Variants in PPARGC1A observed in about 807,000 individuals in gnomAD.
The protein encoded by PPARGC1A is peroxisome proliferator-activated receptor gamma coactivator 1-alpha.
In PPARGC1A, 25 loss-of-function variants were observed where a neutral mutation model predicts 88.7. The ratio of observed to expected loss-of-function variants is 0.28; its 90% CI spans 0.21 to 0.39. The LOEUF is 0.39. Ranked by LOEUF, PPARGC1A falls within the 10% of genes least tolerant of loss-of-function variation. The pLI, the probability that PPARGC1A is intolerant of heterozygous loss-of-function variation, is 1.00. For missense variants in PPARGC1A, 880 were observed against 968.7 expected (o/e 0.91, Z 1.22); for synonymous variants, 363 against 355.6 (o/e 1.02, Z -0.24).
At chr4:24,271,062 A>G in the PPARGC1A span, among the ~76,000 whole-genome samples, 6 of 152,214 alleles carry the variant, frequency 3.9e-5, no homozygotes, top group Non-Finnish European at 8.8e-5. Flanking sequence ...TTATATTTCA[A>G]ATTGGTAATT....
At chr4:24,138,432 C>T in the PPARGC1A span, among the ~76,000 whole-genome samples, 1 of 152,166 alleles carries the variant, frequency 6.6e-6, no homozygotes, top group Non-Finnish European at 1.5e-5. Flanking sequence ...CCAGGGTATA[C>T]AGAACAAGCA....
the PPARGC1A span, among the ~76,000 whole-genome samples, chr4:24,445,648 C>T: frequency 6.6e-6 from 1 of 152,032 alleles, no homozygotes; most frequent in Non-Finnish European, 1.5e-5. Context: ...CTGGGTGGGG[C>T]AAGACAGGAC....
chr4:23,929,629 G>A, the PPARGC1A span, among the ~76,000 whole-genome samples: 938 of 152,236 alleles, frequency 6.2e-3, 11 homozygotes, highest in African/African-American at 0.021. Context: ...GAAAAAGTGC[G>A]GCACCCATTA....
chr4:23,795,963 G>T, intron 12 of PPARGC1A, 38 bp from the exon 13 acceptor site: 2 of 1,401,054 alleles, frequency 1.4e-6, no homozygotes, highest in Non-Finnish European at 2.0e-6. Context: ...TACACACTTT[G>T]CTGATGGCCA....
chr4:24,213,445 A>C, the PPARGC1A span, among the ~76,000 whole-genome samples: 10,161 of 152,104 alleles, frequency 0.067, 373 homozygotes, highest in South Asian at 0.11. Flanking sequence ...GGATTACAGC[A>C]GTGAGCCACC....
At chr4:24,387,927 A>G in the PPARGC1A span, among the ~76,000 whole-genome samples, 1 of 4,870 alleles carries the variant, frequency 2.1e-4, no homozygotes, top group African/African-American at 2.8e-4. Flanking sequence ...AGAAAGAAAG[A>G]AAGAAAGAGA....
chr4:24,102,718 G>A, the PPARGC1A span, among the ~76,000 whole-genome samples: 1 of 152,168 alleles, frequency 6.6e-6, no homozygotes, highest in African/African-American at 2.4e-5. Context: ...TTCCAGTTGA[G>A]GTTCCATCTT....
the PPARGC1A span, among the ~76,000 whole-genome samples, chr4:24,420,439 T>A: frequency 6.6e-6 from 1 of 152,206 alleles, no homozygotes; most frequent in Admixed American, 6.5e-5. Context: ...TATAGCTACA[T>A]AAATAGGCTA....
chr4:24,325,723 C>T, the PPARGC1A span, among the ~76,000 whole-genome samples: 1 of 152,190 alleles, frequency 6.6e-6, no homozygotes, highest in Non-Finnish European at 1.5e-5. Flanking sequence ...ACCACAGATG[C>T]CGAGCTTTGA....
chr4:24,433,742 C>T, the PPARGC1A span, among the ~76,000 whole-genome samples: 2 of 152,022 alleles, frequency 1.3e-5, no homozygotes, highest in East Asian at 1.9e-4. Context: ...CATCTTAGGC[C>T]CCCTATACTT....
intron 7 of PPARGC1A, among the ~76,000 whole-genome samples, chr4:23,816,724 C>T (rs918046027): frequency 6.6e-6 from 1 of 152,164 alleles, no homozygotes; most frequent in African/African-American, 2.4e-5. Context: ...TTTGCATGAT[C>T]ACCCCAAGCT....
At chr4:24,338,892 C>A in the PPARGC1A span, among the ~76,000 whole-genome samples, 3 of 152,014 alleles carry the variant, frequency 2.0e-5, no homozygotes, top group East Asian at 5.8e-4. Context: ...GTTCAGTACA[C>A]TTTTAAAAAT....
the PPARGC1A span, among the ~76,000 whole-genome samples, chr4:24,184,490 A>G: frequency 1.3e-5 from 2 of 152,210 alleles, no homozygotes; most frequent in Non-Finnish European, 2.9e-5. Flanking sequence ...TAGTTTTACA[A>G]CTAATCTCAT....
the PPARGC1A span, among the ~76,000 whole-genome samples, chr4:24,191,943 A>G: frequency 6.6e-6 from 1 of 152,208 alleles, no homozygotes; most frequent in African/African-American, 2.4e-5. Flanking sequence ...ACTCCCATTC[A>G]GAGTTCTTGG....
the PPARGC1A span, among the ~76,000 whole-genome samples, chr4:24,131,642 T>C: frequency 6.6e-6 from 1 of 152,248 alleles, no homozygotes; most frequent in Non-Finnish European, 1.5e-5. Context: ...CTGCAATTTA[T>C]GTAATTAGCC....
At chr4:24,143,759 T>A in the PPARGC1A span, among the ~76,000 whole-genome samples, 1 of 152,146 alleles carries the variant, frequency 6.6e-6, no homozygotes, top group Admixed American at 6.5e-5. Flanking sequence ...AGGAATAAAG[T>A]TATAAATAAC....
At chr4:24,395,545 G>A in the PPARGC1A span, among the ~76,000 whole-genome samples, 1 of 152,192 alleles carries the variant, frequency 6.6e-6, no homozygotes, top group East Asian at 1.9e-4. Flanking sequence ...ACATTAATAA[G>A]TCTGTAAATG....
At chr4:23,853,549 C>G (rs1426301078) in intron 2 of PPARGC1A, among the ~76,000 whole-genome samples, 1 of 152,114 alleles carries the variant, frequency 6.6e-6, no homozygotes, top group Non-Finnish European at 1.5e-5. Context: ...CTGATAAGCA[C>G]TTAGGCACTG....
intron 2 of PPARGC1A, among the ~76,000 whole-genome samples, chr4:23,853,843 G>T (rs1729737025): frequency 6.6e-6 from 1 of 152,066 alleles, no homozygotes; most frequent in African/African-American, 2.4e-5. Flanking sequence ...AGTAAACAAG[G>T]GTACAGGTTC....
Sources: allele counts gnomAD v4.1 joint callset (sites outside exome capture counted in the v4.1 genomes callset), GRCh38; gene constraint gnomAD v4.1.1; transcripts MANE v1.5; gene names NCBI Gene and HGNC (gene_info 2026-07-23, HGNC 2026-07-21).